CSMD1: variants seen among roughly 807,000 people sequenced by gnomAD.
CSMD1 encodes the protein CUB and sushi domain-containing protein 1.
A neutral mutation model predicts 417.5 loss-of-function variants in CSMD1; 213 were observed. The observed-to-expected ratio is 0.51, with a 90% CI of 0.46 to 0.57. The LOEUF (loss-of-function observed/expected upper bound fraction) is 0.57. Among genes scored for constraint, CSMD1 ranks in the 20% least tolerant of loss-of-function variants. The pLI is 0.00. For missense variants in CSMD1, 6,923 were observed against 4,529.7 expected, an observed-to-expected ratio of 1.53 and a Z score of -15.17; for synonymous variants, 2,862 against 1,736.8, an observed-to-expected ratio of 1.65 and a Z score of -16.11.
chr8:4,079,180 G>C (rs148775041), intron 3 of CSMD1, among the ~76,000 whole-genome samples: 2 of 151,930 alleles, frequency 1.3e-5, no homozygotes, highest in African/African-American at 2.4e-5. Flanking sequence ...TTGAATATAA[G>C]CTAATGTTTT....
intron 1 of CSMD1, among the ~76,000 whole-genome samples, chr8:4,718,643 T>C (rs1032072933): frequency 6.6e-6 from 1 of 152,024 alleles, no homozygotes; most frequent in Non-Finnish European, 1.5e-5. Flanking sequence ...GAAAACCAAA[T>C]AAAATCAATT....
chr8:3,526,009 T>A (rs1797738447), intron 10 of CSMD1, among the ~76,000 whole-genome samples: 1 of 152,184 alleles, frequency 6.6e-6, no homozygotes, highest in Admixed American at 6.5e-5. Context: ...AAACATGGGA[T>A]GGAGCTTAAA....
intron 7 of CSMD1, among the ~76,000 whole-genome samples, chr8:3,707,765 G>T (rs1470300592): frequency 1.3e-5 from 2 of 152,164 alleles, no homozygotes; most frequent in African/African-American, 4.8e-5. Context: ...TGGCAGAGAA[G>T]CACCATGACC....
At chr8:4,643,923 C>A (rs1477864667) in intron 1 of CSMD1, among the ~76,000 whole-genome samples, 1 of 152,230 alleles carries the variant, frequency 6.6e-6, no homozygotes, top group African/African-American at 2.4e-5. Context: ...TGATGATTCT[C>A]AGATCACCTG....
chr8:3,988,935 C>T (rs903955921), intron 5 of CSMD1, among the ~76,000 whole-genome samples: 5 of 152,134 alleles, frequency 3.3e-5, no homozygotes, highest in African/African-American at 1.2e-4. Flanking sequence ...AAGTTAACAG[C>T]TTTTATAACT....
chr8:4,436,389 G>C (rs1798150858), intron 2 of CSMD1, among the ~76,000 whole-genome samples: 1 of 152,046 alleles, frequency 6.6e-6, no homozygotes, highest in South Asian at 2.1e-4. Context: ...ACGTGCTTAA[G>C]TCTGTTTCAA....
At chr8:3,102,925 G>A (rs182730022) in intron 46 of CSMD1, among the ~76,000 whole-genome samples, 40 of 152,184 alleles carry the variant, frequency 2.6e-4, no homozygotes, top group Middle Eastern at 3.4e-3. Context: ...TTTTATTAGC[G>A]GTCTGAAGAA....
chr8:4,015,614 C>G (rs1042232650), intron 4 of CSMD1, among the ~76,000 whole-genome samples: 2 of 141,410 alleles, frequency 1.4e-5, no homozygotes, highest in African/African-American at 5.3e-5. Context: ...CATTCAGTCT[C>G]CAAGAAATAC....
intron 10 of CSMD1, among the ~76,000 whole-genome samples, chr8:3,526,080 C>T (rs1797741842): frequency 1.3e-5 from 2 of 152,158 alleles, no homozygotes; most frequent in South Asian, 2.1e-4. Flanking sequence ...GAACCATCAA[C>T]ATGCTGAATT....
chr8:3,858,444 T>A (rs1804461260), intron 5 of CSMD1, among the ~76,000 whole-genome samples: 3 of 152,178 alleles, frequency 2.0e-5, no homozygotes, highest in Admixed American at 2.0e-4. Flanking sequence ...ATGTTTCATT[T>A]AAGCCATATA....
At chr8:3,850,336 C>T (rs1018426278) in intron 5 of CSMD1, among the ~76,000 whole-genome samples, 2 of 147,660 alleles carry the variant, frequency 1.4e-5, no homozygotes, top group African/African-American at 2.4e-5. Flanking sequence ...TCACCCCTGA[C>T]TCTTTCTACT....
rs572994008 is a variant in CSMD1 at position 3,097,298 on chromosome 8, G to A, written c.6950-261C>T. ...CTGCATCTCCCACACACCTTAATTT[G>A]GGGCAGATGCATCCTGGATTTCATC... is the stretch of plus-strand genomic sequence containing the variant. On this transcript the variant is annotated intron_variant, in intron 46 of 69. Coordinates refer to ENST00000635120, the MANE Select transcript of CSMD1 (RefSeq NM_033225.6). Among the ~76,000 whole-genome samples, 349 of 152,230 alleles carry A rather than the reference G, an allele frequency of 2.3e-3. 1 individual carries two copies. Among genetic ancestry groups the A allele is most frequent in the Non-Finnish European group, 3.5e-3 (236 of 68,026 alleles).
intron 7 of CSMD1, among the ~76,000 whole-genome samples, 199 bp from the exon 8 acceptor site, chr8:3,616,996 G>A (rs1802173178): frequency 6.6e-6 from 1 of 152,102 alleles, no homozygotes; most frequent in South Asian, 2.1e-4. Context: ...GTTTTCCAGT[G>A]AAAGGATGAT....
intron 5 of CSMD1, among the ~76,000 whole-genome samples, chr8:3,771,296 C>T (rs1286238880): frequency 6.6e-6 from 1 of 152,132 alleles, no homozygotes; most frequent in Non-Finnish European, 1.5e-5. Context: ...CCTGCTGGTG[C>T]TTCTGGAAGC....
At chr8:4,031,638 C>T (rs79188346) in intron 4 of CSMD1, among the ~76,000 whole-genome samples, 7,785 of 143,978 alleles carry the variant, frequency 0.054, 240 homozygotes, top group Non-Finnish European at 0.077. Flanking sequence ...TGACTTTTCT[C>T]GTATAACATG....
chr8:3,313,316 A>G (rs967991587), intron 23 of CSMD1, among the ~76,000 whole-genome samples: 4 of 152,228 alleles, frequency 2.6e-5, no homozygotes, highest in African/African-American at 9.6e-5. Context: ...AGAAACCACC[A>G]TCAGAGTGAA....
intron 4 of CSMD1, among the ~76,000 whole-genome samples, chr8:4,019,688 T>C (rs1796694674): frequency 6.6e-6 from 1 of 152,200 alleles, no homozygotes; most frequent in South Asian, 2.1e-4. Flanking sequence ...ATAATGCTGC[T>C]CCTGCTTTGT....
At chr8:4,781,321 A>T (rs1797141107) in intron 1 of CSMD1, among the ~76,000 whole-genome samples, 1 of 152,218 alleles carries the variant, frequency 6.6e-6, no homozygotes. Flanking sequence ...ACACGGGGTC[A>T]CACTTGGTTT....
chr8:3,871,369 T>G (rs1805470655), intron 5 of CSMD1, among the ~76,000 whole-genome samples: 1 of 152,120 alleles, frequency 6.6e-6, no homozygotes, highest in African/African-American at 2.4e-5. Context: ...CTTACTAAAA[T>G]AATGGATTAA....
Sources: allele counts gnomAD v4.1 joint callset (sites outside exome capture counted in the v4.1 genomes callset), GRCh38; gene constraint gnomAD v4.1.1; transcripts MANE v1.5; gene names NCBI Gene and HGNC (gene_info 2026-07-23, HGNC 2026-07-21).